GLI3: variants seen among roughly 807,000 people sequenced by gnomAD.
GLI3 encodes transcription activator GLI3.
A neutral mutation model predicts 100.8 loss-of-function variants in GLI3; 20 were observed. That is an observed-to-expected ratio of 0.20 (90% confidence interval 0.14 to 0.29). The LOEUF is 0.29. GLI3 is among the 10% of genes least tolerant of loss of function. GLI3 has a pLI of 1.00. For missense variants in GLI3, 2,040 were observed against 2,128.5 expected (o/e 0.96, Z 0.82); for synonymous variants, 938 against 860.5 (o/e 1.09, Z -1.58).
At chr7:42,168,362 T>C (rs892432498) in intron 2 of GLI3, among the ~76,000 whole-genome samples, 3 of 152,198 alleles carry the variant, frequency 2.0e-5, no homozygotes, top group Non-Finnish European at 4.4e-5. Context: ...GTGAAAATAT[T>C]GTTCTACTCC....
chr7:42,103,169 T>C (rs1458647413), intron 3 of GLI3, among the ~76,000 whole-genome samples: 1 of 152,150 alleles, frequency 6.6e-6, no homozygotes, highest in African/African-American at 2.4e-5. Context: ...CTCCACCAGC[T>C]GAGTGTCCTC....
intron 2 of GLI3, among the ~76,000 whole-genome samples, chr7:42,217,064 G>A (rs192818262): frequency 1.3e-3 from 192 of 152,316 alleles, no homozygotes; most frequent in African/African-American, 1.2e-3. Context: ...AGTCCCATGC[G>A]TGACAAGAGT....
rs768622457 is a variant in GLI3, at chr7:42,076,791, C to T, written c.434G>A (p.Arg145His). 29 of 1,611,212 alleles carry T rather than the reference C, an allele frequency of 1.8e-5. No homozygotes were observed. The highest frequency in any genetic ancestry group is 1.1e-4 in the South Asian group (10 of 91,016). The stretch of plus-strand genomic sequence containing the variant: ...AATCGGAGATGGATCGTAATGGTAA[C>T]GGCCCTCATGATGTCTGGCATCAAT... ...VPIDARHHEG[R>H]YHYDPSPIPP... Residue 145 changes from arginine (R) to histidine (H), a missense_variant, in exon 4 of 15, where the codon CGT (arginine) becomes CAT (histidine). Around this residue, in one of 5 missense-constraint regions of GLI3, gnomAD observed 603 missense variants for 690.9 expected, o/e 0.87. Coordinates refer to ENST00000395925, the MANE Select transcript of GLI3 (RefSeq NM_000168.6).
intron 7 of GLI3, among the ~76,000 whole-genome samples, chr7:42,031,205 T>C (rs558791096): frequency 6.6e-6 from 1 of 152,376 alleles, no homozygotes; most frequent in Admixed American, 6.5e-5. Context: ...CAACAATTAA[T>C]CTGTTATTAT....
intron 12 of GLI3, among the ~76,000 whole-genome samples, chr7:41,975,892 T>C (rs1787496825): frequency 6.6e-6 from 1 of 152,210 alleles, no homozygotes. Flanking sequence ...ATCTATGAAA[T>C]ATATGAAATA....
chr7:41,986,982 C>T (rs914855702), intron 10 of GLI3, among the ~76,000 whole-genome samples: 5 of 151,532 alleles, frequency 3.3e-5, no homozygotes, highest in Non-Finnish European at 4.4e-5. Flanking sequence ...CTGACTTCCC[C>T]AGAGCTACAC....
intron 10 of GLI3, among the ~76,000 whole-genome samples, chr7:42,021,639 A>G (rs1788945369): frequency 6.6e-6 from 1 of 152,230 alleles, no homozygotes; most frequent in African/African-American, 2.4e-5. Context: ...TTAAATGTAG[A>G]CTTAGAATAA....
intron 2 of GLI3, among the ~76,000 whole-genome samples, chr7:42,173,888 AC>A (rs1175685142): frequency 5.3e-5 from 8 of 152,354 alleles, no homozygotes; most frequent in Non-Finnish European, 1.0e-4. Context: ...TATGCTGGGC[AC>A]AAGCTTGACC....
chr7:42,112,927 C>T (rs546717411), intron 3 of GLI3, among the ~76,000 whole-genome samples: 10 of 152,270 alleles, frequency 6.6e-5, no homozygotes, highest in African/African-American at 2.4e-4. Flanking sequence ...AATCCCATCA[C>T]TTTGGGAGGC....
At chr7:42,043,727 T>C (rs1181688106) in intron 6 of GLI3, among the ~76,000 whole-genome samples, 1 of 152,236 alleles carries the variant, frequency 6.6e-6, no homozygotes, top group African/African-American at 2.4e-5. Flanking sequence ...AAGGGTAGCT[T>C]CATCCTTTAT....
intron 2 of GLI3, 147 bp downstream of exon 2, chr7:42,222,983 G>T (rs929921161): frequency 1.2e-6 from 1 of 843,816 alleles, no homozygotes; most frequent in Non-Finnish European, 2.0e-6. Context: ...ATGTCCCCCC[G>T]CCGTCCCCCC....
intron 7 of GLI3, 73 bp downstream of exon 7, chr7:42,039,965 G>T: frequency 9.1e-7 from 1 of 1,098,948 alleles, no homozygotes; most frequent in Non-Finnish European, 1.4e-6. Flanking sequence ...TACTGAAAAT[G>T]CATCACTACA....
intron 3 of GLI3, among the ~76,000 whole-genome samples, chr7:42,091,021 T>G (rs1162230420): frequency 6.6e-6 from 1 of 152,230 alleles, no homozygotes; most frequent in Non-Finnish European, 1.5e-5. Flanking sequence ...CAGGGCCAAC[T>G]ACCCAGGCAT....
At chr7:41,996,602 A>G (rs1788131474) in intron 10 of GLI3, among the ~76,000 whole-genome samples, 1 of 152,230 alleles carries the variant, frequency 6.6e-6, no homozygotes, top group Non-Finnish European at 1.5e-5. Flanking sequence ...TTAGGACATA[A>G]AAGGAATCTG....
upstream of GLI3, among the ~76,000 whole-genome samples, chr7:42,238,282 C>T (rs1393578149): frequency 7.2e-5 from 11 of 152,104 alleles, no homozygotes; most frequent in Non-Finnish European, 1.2e-4. Flanking sequence ...TCCCACCCAG[C>T]CTCTCTTTCT....
At chr7:42,210,804 G>T (rs1317137908) in intron 2 of GLI3, among the ~76,000 whole-genome samples, 1 of 152,078 alleles carries the variant, frequency 6.6e-6, no homozygotes, top group African/African-American at 2.4e-5. Context: ...CCAGATGAAG[G>T]CCTAGCAATA....
chr7:42,023,437 A>G, intron 10 of GLI3, 31 bp downstream of exon 10: 2 of 1,612,994 alleles, frequency 1.2e-6, no homozygotes, highest in Non-Finnish European at 1.7e-6. Context: ...ACAGAGCTGT[A>G]AAGCTCGGTT....
chr7:42,225,232 T>C (rs1788560303), intron 1 of GLI3, among the ~76,000 whole-genome samples: 1 of 152,264 alleles, frequency 6.6e-6, no homozygotes, highest in Non-Finnish European at 1.5e-5. Context: ...TCTACAGTGC[T>C]TGCTAAGCAT....
intron 3 of GLI3, among the ~76,000 whole-genome samples, chr7:42,111,839 T>C (rs1341997529): frequency 6.6e-6 from 1 of 152,092 alleles, no homozygotes; most frequent in East Asian, 1.9e-4. Flanking sequence ...TCATGAGCAT[T>C]GCGGGTAAGC....
Sources: allele counts gnomAD v4.1 joint callset (sites outside exome capture counted in the v4.1 genomes callset), GRCh38; gene constraint gnomAD v4.1.1; regional missense constraint gnomAD v4.1.1; transcripts MANE v1.5; gene names NCBI Gene and HGNC (gene_info 2026-07-23, HGNC 2026-07-21).